Variants in FOXP2 observed in about 807,000 individuals in gnomAD.
FOXP2 encodes forkhead box P2.
A neutral mutation model predicts 115.8 loss-of-function variants in FOXP2; 12 were observed. The ratio of observed to expected loss-of-function variants is 0.10; its 90% CI spans 0.07 to 0.17. FOXP2 has a LOEUF of 0.17. FOXP2 is among the 10% of genes least tolerant of loss of function. FOXP2 has a pLI of 1.00. For missense variants in FOXP2, 629 were observed against 843.5 expected (o/e 0.75, Z 3.15); for synonymous variants, 328 against 297.7 (o/e 1.10, Z -1.05).
intron 14 of FOXP2, among the ~76,000 whole-genome samples, chr7:114,662,601 A>G (rs1806930883): frequency 6.6e-6 from 1 of 152,088 alleles, no homozygotes; most frequent in African/African-American, 2.4e-5. Context: ...AGAATTTATG[A>G]GAAGACTTTA....
chr7:114,132,541 TTGTG>T (rs145500210), intron 1 of FOXP2, among the ~76,000 whole-genome samples: 1,593 of 90,466 alleles, frequency 0.018, 48 homozygotes, highest in African/African-American at 0.046. Flanking sequence ...AAAAGATAAA[TTGTG>T]TGTGTGTGTG....
chr7:114,385,049 C>T (rs1022801481), intron 2 of FOXP2, among the ~76,000 whole-genome samples: 1 of 151,580 alleles, frequency 6.6e-6, no homozygotes, highest in Non-Finnish European at 1.5e-5. Flanking sequence ...TCTCTCCCCC[C>T]CTCTCTCTCT....
At chr7:114,093,680 C>CA (rs1329092047) in intron 1 of FOXP2, among the ~76,000 whole-genome samples, 3 of 151,570 alleles carry the variant, frequency 2.0e-5, no homozygotes, top group Admixed American at 6.6e-5. Context: ...CATTGGGAAA[C>CA]ACTGTTCGTT....
chr7:114,523,698 T>C (rs1271919008), intron 2 of FOXP2, among the ~76,000 whole-genome samples: 1 of 152,212 alleles, frequency 6.6e-6, no homozygotes, highest in Non-Finnish European at 1.5e-5. Flanking sequence ...ACTGTCTTTT[T>C]GCAAAAACAT....
At chr7:114,341,744 C>T (rs1791222400) in intron 2 of FOXP2, among the ~76,000 whole-genome samples, 2 of 151,254 alleles carry the variant, frequency 1.3e-5, no homozygotes, top group African/African-American at 2.4e-5. Context: ...TTCATTCCCT[C>T]ATTAGCTAAC....
intron 1 of FOXP2, among the ~76,000 whole-genome samples, chr7:114,216,313 T>C (rs977652409): frequency 6.6e-6 from 1 of 152,146 alleles, no homozygotes; most frequent in Non-Finnish European, 1.5e-5. Flanking sequence ...GAATTTTTCC[T>C]GAAGTTTTTC....
At chr7:114,349,572 T>A (rs965345613) in intron 2 of FOXP2, among the ~76,000 whole-genome samples, 1 of 152,106 alleles carries the variant, frequency 6.6e-6, no homozygotes, top group Non-Finnish European at 1.5e-5. Flanking sequence ...ATCCTAAAAC[T>A]GTTTCTAAGG....
chr7:114,260,597 T>G (rs368551021), intron 1 of FOXP2, among the ~76,000 whole-genome samples: 1 of 152,104 alleles, frequency 6.6e-6, no homozygotes, highest in East Asian at 1.9e-4. Flanking sequence ...TTTTGTTAGG[T>G]TTTTAGAATA....
intron 1 of FOXP2, among the ~76,000 whole-genome samples, chr7:114,105,068 A>G (rs905769655): frequency 6.6e-6 from 1 of 152,088 alleles, no homozygotes; most frequent in Non-Finnish European, 1.5e-5. Context: ...AACAAATTAT[A>G]TAAAGGAGGG....
intron 2 of FOXP2, among the ~76,000 whole-genome samples, chr7:114,295,817 C>T (rs1212505985): frequency 6.6e-6 from 1 of 152,126 alleles, no homozygotes; most frequent in African/African-American, 2.4e-5. Flanking sequence ...AGGCTTGGCT[C>T]ACATTTTCAC....
intron 8 of FOXP2, among the ~76,000 whole-genome samples, chr7:114,650,466 A>G (rs1354543644): frequency 6.6e-6 from 1 of 152,070 alleles, no homozygotes; most frequent in African/African-American, 2.4e-5. Context: ...AGCAATATGA[A>G]GCCTTAAGAA....
At chr7:114,228,375 G>A (rs1794793800) in intron 1 of FOXP2, among the ~76,000 whole-genome samples, 1 of 151,936 alleles carries the variant, frequency 6.6e-6, no homozygotes, top group South Asian at 2.1e-4. Context: ...AGCTTTTCAT[G>A]TATCTTTTAG....
At chr7:114,203,972 A>G (rs1006932527) in intron 1 of FOXP2, among the ~76,000 whole-genome samples, 7 of 152,126 alleles carry the variant, frequency 4.6e-5, no homozygotes, top group Non-Finnish European at 1.0e-4. Context: ...AGTTCTTTAT[A>G]TGTACATGTT....
intron 3 of FOXP2, among the ~76,000 whole-genome samples, chr7:114,558,588 AG>A (rs1403852614): frequency 6.6e-6 from 1 of 152,120 alleles, no homozygotes; most frequent in Non-Finnish European, 1.5e-5. Context: ...AGAATACATC[AG>A]GGGGTCAGAC....
At chr7:114,608,875 A>C (rs1245275486) in intron 3 of FOXP2, among the ~76,000 whole-genome samples, 1 of 152,182 alleles carries the variant, frequency 6.6e-6, no homozygotes, top group African/African-American at 2.4e-5. Flanking sequence ...CAGATGCAGA[A>C]GTTCAATTTA....
intron 2 of FOXP2, among the ~76,000 whole-genome samples, chr7:114,289,350 T>G (rs777023459): frequency 6.6e-6 from 1 of 151,876 alleles, no homozygotes; most frequent in Non-Finnish European, 1.5e-5. Context: ...CTGGAAAAAG[T>G]TATGTAGCTT....
intron 1 of FOXP2, among the ~76,000 whole-genome samples, chr7:114,151,674 C>T (rs1792532051): frequency 6.6e-6 from 1 of 152,010 alleles, no homozygotes; most frequent in Admixed American, 6.6e-5. Context: ...CAATTTGTTA[C>T]ATTTTAAGAA....
intron 1 of FOXP2, among the ~76,000 whole-genome samples, chr7:114,274,360 TAA>T (rs1475752818): frequency 6.6e-6 from 1 of 152,030 alleles, no homozygotes; most frequent in Admixed American, 6.6e-5. Context: ...ATAAGAAAAA[TAA>T]AAGTTTTAAT....
chr7:114,439,232 C>A (rs1242437840), intron 2 of FOXP2, among the ~76,000 whole-genome samples: 1 of 152,110 alleles, frequency 6.6e-6, no homozygotes, highest in Non-Finnish European at 1.5e-5. Flanking sequence ...TCCTTCCCAA[C>A]TTCAAAATTC....
Sources: gnomAD v4.1 joint callset for allele counts (sites outside exome capture counted in the v4.1 genomes callset) on GRCh38, gnomAD v4.1.1 for gene constraint, MANE v1.5 for transcripts, NCBI Gene and HGNC (gene_info 2026-07-23, HGNC 2026-07-21) for gene names.